TBC1D4: variants seen among roughly 807,000 people sequenced by gnomAD.
TBC1D4 encodes TBC1 domain family member 4, also known as TBC (Tre-2, BUB2, CDC16) domain-containing protein.
TBC1D4 carries 121 observed loss-of-function variants against 142.5 expected under a neutral mutation model. The ratio of observed to expected loss-of-function variants is 0.85; its 90% CI spans 0.73 to 0.99. The LOEUF (loss-of-function observed/expected upper bound fraction) is 0.99, where lower values mean the gene tolerates loss of function less well. Ranked by LOEUF, TBC1D4 falls within the 50% of genes least tolerant of loss-of-function variation. The pLI, the probability that TBC1D4 is intolerant of heterozygous loss-of-function variation, is 0.00. For synonymous variants in TBC1D4, 630 were observed against 628.2 expected, an observed-to-expected ratio of 1.00 and a Z score of -0.04; for missense variants, 1,475 against 1,606.6, an observed-to-expected ratio of 0.92 and a Z score of 1.40.
intron 8 of TBC1D4, among the ~76,000 whole-genome samples, chr13:75,330,666 A>G (rs1879671410): frequency 6.6e-6 from 1 of 152,240 alleles, no homozygotes; most frequent in Non-Finnish European, 1.5e-5. Context: ...TTACTACTAC[A>G]TCCCTAAACT....
intron 1 of TBC1D4, among the ~76,000 whole-genome samples, chr13:75,415,582 C>T (rs1885885124): frequency 6.6e-6 from 1 of 152,170 alleles, no homozygotes; most frequent in African/African-American, 2.4e-5. Flanking sequence ...CACACTAATC[C>T]AAACTGATTC....
rs1285702735 is a variant in TBC1D4 at position 75,362,059 on chromosome 13, C to T, written c.1047G>A (p.Ser349=). The T allele has an allele frequency of 4.3e-6, 7 of 1,613,992 alleles. No individual in the cohort carries two copies. The South Asian group carries it at 5.5e-5, about 13-fold the overall frequency. Residue 349 remains serine, a synonymous_variant, in exon 2 of 21, where the codon TCG becomes TCA. Transcript: ENST00000377636. The surrounding 1 kb of genome is among the most constrained non-coding windows in gnomAD (Gnocchi z 4.2). ...GCATGGTCCTGTTCTTCTCCGAGTCCGAGGGCTGGACGTGACTGGGTGCGC... is the reference window on the plus strand; with the variant it reads ...GCATGGTCCTGTTCTTCTCCGAGTCTGAGGGCTGGACGTGACTGGGTGCGC... ...HASAPSHVQP[S]DSEKNRTMLF...
At chr13:75,293,282 T>G (rs377054608) in intron 18 of TBC1D4, among the ~76,000 whole-genome samples, 1 of 152,238 alleles carries the variant, frequency 6.6e-6, no homozygotes, top group South Asian at 2.1e-4. Flanking sequence ...GAGGGAACCA[T>G]AGAATCATTA....
chr13:75,293,672 C>G (rs1875576283), intron 18 of TBC1D4, among the ~76,000 whole-genome samples: 1 of 152,158 alleles, frequency 6.6e-6, no homozygotes, highest in African/African-American at 2.4e-5. Flanking sequence ...TGATTCAGCG[C>G]ATTTTCACTT....
chr13:75,363,877 A>G (rs1258633532), intron 1 of TBC1D4, among the ~76,000 whole-genome samples: 1 of 152,254 alleles, frequency 6.6e-6, no homozygotes, highest in Non-Finnish European at 1.5e-5. Context: ...AGTATCTGAG[A>G]CAGGTCTCAA....
intron 1 of TBC1D4, among the ~76,000 whole-genome samples, chr13:75,416,108 A>T (rs899250655): frequency 1.3e-5 from 2 of 152,262 alleles, no homozygotes; most frequent in Non-Finnish European, 2.9e-5. Flanking sequence ...CAAAATAGCT[A>T]TTCTGAGACA....
In TBC1D4 at chr13:75,310,045, A is replaced by C; in HGVS notation, c.2490T>G (p.Ile830Met). 6.2e-7 allele frequency: 1 copy of C among 1,613,982 alleles called. No homozygotes were observed. Among genetic ancestry groups the C allele is most frequent in the Non-Finnish European group, 8.5e-7 (1 of 1,179,984 alleles). Reference sequence around the variant, plus strand: ...GTTCTTTTGATTTCTTTCTTTCTTCAATCTTTTCTGGGTCATCCTCCCCAG... The same window carrying C: ...GTTCTTTTGATTTCTTTCTTTCTTCCATCTTTTCTGGGTCATCCTCCCCAG... The part of the protein sequence containing the change: ...FLSGEDDPEK[I>M]EERKKSKELR... Residue 830 changes from isoleucine to methionine, a missense_variant, in exon 14 of 21, where the codon ATT (isoleucine) becomes ATG (methionine). By Grantham distance (10) the Ile-to-Met change is conservative (BLOSUM62 1). This residue lies in a region of TBC1D4 where 1,227 missense variants were observed against 1,267.7 expected (regional missense o/e 0.97). Coordinates refer to ENST00000377636, the MANE Select transcript of TBC1D4 (RefSeq NM_014832.5).
chr13:75,346,158 T>C (rs1330656022), intron 5 of TBC1D4, among the ~76,000 whole-genome samples: 1 of 152,086 alleles, frequency 6.6e-6, no homozygotes, highest in Non-Finnish European at 1.5e-5. Flanking sequence ...TAGATCAAAG[T>C]TTTGTTTTTT....
chr13:75,322,995 T>C (rs747786555), intron 11 of TBC1D4, among the ~76,000 whole-genome samples: 1 of 152,168 alleles, frequency 6.6e-6, no homozygotes, highest in Non-Finnish European at 1.5e-5. Flanking sequence ...ATCAAAATTA[T>C]ATTAATCCAG....
rs773697025 is a variant in TBC1D4, at chr13:75,481,452, T to C, written c.316A>G (p.Ser106Gly). Residue 106 changes from serine to glycine, a missense_variant, in exon 1 of 21, where the codon AGT (serine) becomes GGT (glycine). By Grantham distance (56) the Ser-to-Gly change is moderately conservative (BLOSUM62 0). This residue lies in a region of TBC1D4 where 1,227 missense variants were observed against 1,267.7 expected (regional missense o/e 0.97). Coordinates refer to ENST00000377636, the MANE Select transcript of TBC1D4 (RefSeq NM_014832.5). ...APGAGASGGT[S>G]PSATQPNPAV... is the part of the protein sequence containing the mutation. ...GGGTTGGGCTGCGTGGCCGACGGAC[T>C]AGTGCCCCCCGAGGCCCCAGCGCCC... The C allele has an allele frequency of 5.6e-6, 9 of 1,613,604 alleles. No homozygotes were observed. The highest frequency in any genetic ancestry group is 2.7e-5 in the African/African-American group (2 of 74,884).
intron 12 of TBC1D4, 97 bp from the exon 13 acceptor site, chr13:75,312,995 A>G: frequency 1.5e-6 from 2 of 1,359,166 alleles, no homozygotes; most frequent in Non-Finnish European, 1.0e-6. Context: ...AAGTTCTGTC[A>G]CGGGCAAGCA....
chr13:75,428,090 A>G (rs1334035863), intron 1 of TBC1D4, among the ~76,000 whole-genome samples: 1 of 152,226 alleles, frequency 6.6e-6, no homozygotes, highest in Non-Finnish European at 1.5e-5. Flanking sequence ...CATTCTCTAC[A>G]GGTATTAAAA....
intron 1 of TBC1D4, among the ~76,000 whole-genome samples, chr13:75,379,833 A>C (rs1470102191): frequency 6.6e-6 from 1 of 150,904 alleles, no homozygotes; most frequent in Non-Finnish European, 1.5e-5. Context: ...TGATAAAATT[A>C]AGATAGCTAA....
At chr13:75,351,419 A>G (rs1303706218) in intron 4 of TBC1D4, among the ~76,000 whole-genome samples, 1 of 151,016 alleles carries the variant, frequency 6.6e-6, no homozygotes, top group Non-Finnish European at 1.5e-5. Context: ...CTTTTTTTTT[A>G]ATTTTATTAT....
At chr13:75,460,684 G>C (rs186656716) in intron 1 of TBC1D4, among the ~76,000 whole-genome samples, 1 of 152,114 alleles carries the variant, frequency 6.6e-6, no homozygotes, top group Non-Finnish European at 1.5e-5. Flanking sequence ...ACTTTGAAAG[G>C]CCAAGGCGGA....
At chr13:75,448,666 A>G (rs1887401937) in intron 1 of TBC1D4, among the ~76,000 whole-genome samples, 1 of 152,064 alleles carries the variant, frequency 6.6e-6, no homozygotes, top group Non-Finnish European at 1.5e-5. Flanking sequence ...TGAGTATTTT[A>G]TACGGTGTTT....
Position 75,344,642 on chromosome 13 carries a change from G to A in TBC1D4, c.1409-3055C>T, listed in dbSNP as rs541482243. Among the ~76,000 whole-genome samples, 58 of 152,124 alleles carry A rather than the reference G, an allele frequency of 3.8e-4. 1 individual carries two copies. In the South Asian group the frequency reaches 0.012, roughly 31 times the overall value. Reference sequence around the variant, plus strand: ...TCCTTGGGAAACAGCATTCCCCTTCGATGCCACCCCCTCAATTCACTTCAG... The same window carrying A: ...TCCTTGGGAAACAGCATTCCCCTTCAATGCCACCCCCTCAATTCACTTCAG... On this transcript the variant is annotated intron_variant, in intron 5 of 20. Transcript: ENST00000377636.
At chr13:75,448,198 A>G (rs1158399001) in intron 1 of TBC1D4, among the ~76,000 whole-genome samples, 2 of 152,300 alleles carry the variant, frequency 1.3e-5, no homozygotes, top group South Asian at 2.1e-4. Flanking sequence ...TGCTTAATAA[A>G]AGTTTACTGA....
chr13:75,418,506 T>C lies in TBC1D4; in HGVS notation c.499-55899A>G, dbSNP rs115526531. ...AAAAGATCCTAAACAATGAAGGGCA[T>C]ACATTTAGCTATTAGGCCAAAGCTT... On this transcript the variant is annotated intron_variant, in intron 1 of 20. Coordinates refer to ENST00000377636, the MANE Select transcript of TBC1D4 (RefSeq NM_014832.5). Among the ~76,000 whole-genome samples the C allele has an allele frequency of 1.1e-3, 172 of 152,312 alleles. 1 individual carries two copies. Among genetic ancestry groups the C allele is most frequent in the African/African-American group, 4.0e-3 (167 of 41,558 alleles).
Sources: allele counts gnomAD v4.1 joint callset (sites outside exome capture counted in the v4.1 genomes callset), GRCh38; gene constraint gnomAD v4.1.1; regional missense constraint gnomAD v4.1.1; non-coding constraint Gnocchi (gnomAD v3.1); transcripts MANE v1.5; gene names NCBI Gene and HGNC (gene_info 2026-07-23, HGNC 2026-07-21).